The following AK5 variants were observed in gnomAD, a reference collection of about 807,000 sequenced individuals.
AK5 encodes the protein adenylate kinase isoenzyme 5.
In AK5, 27 loss-of-function variants were observed where a neutral mutation model predicts 69.5. That is an observed-to-expected ratio of 0.39 (90% CI 0.29 to 0.54). AK5 has a LOEUF of 0.54. AK5 is among the 20% of genes least tolerant of loss of function. The pLI, the probability that AK5 is intolerant of heterozygous loss-of-function variation, is 0.71. For synonymous variants in AK5, 260 were observed against 244.4 expected, an observed-to-expected ratio of 1.06 and a Z score of -0.60; for missense variants, 531 against 700.4, an observed-to-expected ratio of 0.76 and a Z score of 2.73.
At chr1:77,338,531 C>G (rs144970410) in intron 5 of AK5, among the ~76,000 whole-genome samples, 1 of 152,214 alleles carries the variant, frequency 6.6e-6, no homozygotes, top group Non-Finnish European at 1.5e-5. Context: ...GAACTGGGTA[C>G]TATTGAAAGT....
intron 10 of AK5, among the ~76,000 whole-genome samples, chr1:77,492,974 G>A (rs1301910735): frequency 6.6e-6 from 1 of 152,174 alleles, no homozygotes; most frequent in Non-Finnish European, 1.5e-5. Context: ...CACTGGATTG[G>A]ACTAAGAAAA....
intron 5 of AK5, among the ~76,000 whole-genome samples, chr1:77,328,114 A>G (rs1326792063): frequency 1.3e-5 from 2 of 152,190 alleles, no homozygotes; most frequent in Non-Finnish European, 1.5e-5. Flanking sequence ...CTGAATAATC[A>G]AGTTAGCAGT....
intron 6 of AK5, among the ~76,000 whole-genome samples, chr1:77,381,068 T>A (rs1264940628): frequency 6.6e-6 from 1 of 152,244 alleles, no homozygotes; most frequent in Admixed American, 6.5e-5. Flanking sequence ...TTTTAGCACA[T>A]GCTATAGATT....
chr1:77,376,580 A>T (rs764450429), intron 6 of AK5, among the ~76,000 whole-genome samples: 8 of 151,644 alleles, frequency 5.3e-5, no homozygotes, highest in Non-Finnish European at 8.8e-5. Context: ...TTAACATTTT[A>T]ATGTTATATT....
chr1:77,548,944 C>G (rs1419058275), intron 13 of AK5, among the ~76,000 whole-genome samples: 1 of 117,724 alleles, frequency 8.5e-6, no homozygotes. Flanking sequence ...TTCTGTCACT[C>G]TGCTCACTGC....
At chr1:77,462,148 C>G (rs1257211853) in intron 8 of AK5, among the ~76,000 whole-genome samples, 1 of 152,182 alleles carries the variant, frequency 6.6e-6, no homozygotes. Context: ...AATTCATACA[C>G]AGGAGAGCCA....
chr1:77,546,311 C>T (rs1659542337), intron 13 of AK5, among the ~76,000 whole-genome samples: 1 of 152,200 alleles, frequency 6.6e-6, no homozygotes, highest in Admixed American at 6.5e-5. Flanking sequence ...CCCAGAGTCA[C>T]TGACATGAAT....
chr1:77,436,254 A>G (rs1651953364), intron 8 of AK5, among the ~76,000 whole-genome samples: 1 of 152,036 alleles, frequency 6.6e-6, no homozygotes, highest in Non-Finnish European at 1.5e-5. Flanking sequence ...TTTTCTCAAC[A>G]AAGAACATAT....
chr1:77,495,198 A>C (rs1292183041), intron 10 of AK5, among the ~76,000 whole-genome samples: 2 of 152,190 alleles, frequency 1.3e-5, no homozygotes, highest in African/African-American at 4.8e-5. Flanking sequence ...TAACTTTCCC[A>C]AGGTTACACA....
intron 6 of AK5, among the ~76,000 whole-genome samples, chr1:77,405,163 T>G (rs1304580362): frequency 6.6e-6 from 1 of 152,208 alleles, no homozygotes; most frequent in Non-Finnish European, 1.5e-5. Context: ...AAAGTGACAA[T>G]TTGTGTCAGG....
At chr1:77,475,388 GTATATATATAATATATATGTA>G (rs1654819043) in intron 8 of AK5, among the ~76,000 whole-genome samples, 1 of 15,728 alleles carries the variant, frequency 6.4e-5, no homozygotes, top group African/African-American at 2.4e-4. Flanking sequence ...TTATATATAT[GTATATATATAATATATATGTA>G]TATATATACT....
intron 6 of AK5, among the ~76,000 whole-genome samples, chr1:77,391,974 C>T (rs976826025): frequency 2.0e-5 from 3 of 152,120 alleles, no homozygotes; most frequent in East Asian, 3.9e-4. Flanking sequence ...GCATTTTCCT[C>T]GTTCTACAAC....
chr1:77,282,521 G>A, intron 1 of AK5, 148 bp downstream of exon 1: 1 of 1,376,230 alleles, frequency 7.3e-7, no homozygotes, highest in Non-Finnish European at 9.4e-7. Flanking sequence ...CTCCCCCGAG[G>A]GTAGTCGCCT....
rs111231831 is a variant in AK5 at position 77,412,833 on chromosome 1, G to A, written c.982+1762G>A. Among the ~76,000 whole-genome samples the A allele has an allele frequency of 3.3e-5, 5 of 152,004 alleles. 1 individual carries two copies. Among genetic ancestry groups the A allele is most frequent in the African/African-American group, 1.2e-4 (5 of 41,444 alleles). On this transcript the variant is annotated intron_variant, in intron 7 of 13. Transcript: ENST00000354567. ...CTTTCTCTCACCTTGACCTTTCTCCGGGGAGCCAGGCAGAAGTGTTCTTGC... is the reference window on the plus strand; with the variant it reads ...CTTTCTCTCACCTTGACCTTTCTCCAGGGAGCCAGGCAGAAGTGTTCTTGC...
chr1:77,367,213 A>C (rs1432182326), intron 6 of AK5, among the ~76,000 whole-genome samples: 1 of 150,352 alleles, frequency 6.7e-6, no homozygotes, highest in Non-Finnish European at 1.5e-5. Flanking sequence ...AGTGTTTCAG[A>C]TTTGGGGTTT....
chr1:77,344,994 CAA>C (rs11290615), intron 6 of AK5, among the ~76,000 whole-genome samples: 112 of 140,092 alleles, frequency 8.0e-4, no homozygotes, highest in East Asian at 1.6e-3. Flanking sequence ...TTAAATTGTG[CAA>C]AAAAAAAAAA....
chr1:77,298,472 T>G (rs1659138921), intron 5 of AK5, among the ~76,000 whole-genome samples: 1 of 151,918 alleles, frequency 6.6e-6, no homozygotes, highest in African/African-American at 2.4e-5. Context: ...ATATATCTAT[T>G]TAAGCTTTGA....
rs1382596701 is a variant in AK5 at position 77,536,000 on chromosome 1, G to A, written c.1582G>A (p.Val528Met). The change falls in exon 13 of 14, where the codon GTG becomes ATG. Residue 528 changes from valine (V) to methionine (M), a missense_variant. Transcript: ENST00000354567. Reference protein sequence around the residue: ...LEAYYRASIPVIAYYETKTQL... With the variant: ...LEAYYRASIPMIAYYETKTQL... ...AGCCTACTACCGAGCGTCCATCCCCGTGATCGCCTACTACGAGACAAAAAC... is the reference window on the plus strand; with the variant it reads ...AGCCTACTACCGAGCGTCCATCCCCATGATCGCCTACTACGAGACAAAAAC... 13 of 1,613,066 alleles carry A rather than the reference G, an allele frequency of 8.1e-6. No homozygotes were observed. The highest frequency in any genetic ancestry group is 1.0e-5 in the Non-Finnish European group (12 of 1,179,884).
chr1:77,486,222 G>A (rs548248657), intron 9 of AK5, 86 bp from the exon 10 acceptor site: 2 of 858,260 alleles, frequency 2.3e-6, no homozygotes, highest in Non-Finnish European at 3.7e-6. Context: ...AAAACTACAA[G>A]GTTTGGGTTT....
Sources: gnomAD v4.1 joint callset for allele counts (sites outside exome capture counted in the v4.1 genomes callset) on GRCh38, gnomAD v4.1.1 for gene constraint, MANE v1.5 for transcripts, NCBI Gene and HGNC (gene_info 2026-07-23, HGNC 2026-07-21) for gene names.